TFCP2L1: variants seen among roughly 807,000 people sequenced by gnomAD.
The protein encoded by TFCP2L1 is transcription factor CP2-like protein 1.
Under a neutral mutation model 72.2 loss-of-function variants are expected in TFCP2L1, and 12 were observed. That is an observed-to-expected ratio of 0.17 (90% confidence interval 0.11 to 0.27). The LOEUF (loss-of-function observed/expected upper bound fraction) is 0.27, where lower values mean the gene tolerates loss of function less well. Ranked by LOEUF, TFCP2L1 falls within the 10% of genes least tolerant of loss-of-function variation. The probability of loss-of-function intolerance (pLI) is 1.00; values close to 1 mark genes in which losing one functional copy is unlikely to be tolerated. For synonymous variants in TFCP2L1, 260 were observed against 251.0 expected, an observed-to-expected ratio of 1.04 and a Z score of -0.34; for missense variants, 488 against 624.6, an observed-to-expected ratio of 0.78 and a Z score of 2.33.
intron 14 of TFCP2L1, 40 bp from the exon 15 acceptor site, chr2:121,224,427 A>G (rs1438146518): frequency 5.6e-6 from 9 of 1,608,076 alleles, no homozygotes; most frequent in Non-Finnish European, 5.9e-6. Flanking sequence ...ACAGGAAAAA[A>G]GGTGCAGTGC....
At chr2:121,283,897 G>C (rs1687312602) in intron 1 of TFCP2L1, among the ~76,000 whole-genome samples, 1 of 152,182 alleles carries the variant, frequency 6.6e-6, no homozygotes, top group South Asian at 2.1e-4. Flanking sequence ...CATCACCGTG[G>C]TCTGCCGGGT....
At chr2:121,230,302 C>T (rs1180396670) in intron 13 of TFCP2L1, among the ~76,000 whole-genome samples, 1 of 152,130 alleles carries the variant, frequency 6.6e-6, no homozygotes, top group Non-Finnish European at 1.5e-5. Flanking sequence ...CTCCCGAGTA[C>T]CTGGGATTAC....
At chr2:121,283,906 G>A (rs1050088234) in intron 1 of TFCP2L1, among the ~76,000 whole-genome samples, 4 of 152,200 alleles carry the variant, frequency 2.6e-5, no homozygotes, top group Non-Finnish European at 5.9e-5. Flanking sequence ...GGTCTGCCGG[G>A]TGGCTGTCAG....
intron 7 of TFCP2L1, 129 bp from the exon 8 acceptor site, chr2:121,239,778 T>G: frequency 1.1e-6 from 1 of 947,308 alleles, no homozygotes; most frequent in Non-Finnish European, 1.5e-6. Context: ...AGCCTGCGTT[T>G]ACCCAGTGCC....
chr2:121,259,310 G>A (rs528242047), intron 2 of TFCP2L1, among the ~76,000 whole-genome samples: 86 of 152,050 alleles, frequency 5.7e-4, no homozygotes, highest in Admixed American at 9.2e-4. Context: ...CATGTTGTCT[G>A]CAACTAACTC....
At chr2:121,261,465 G>C (rs545528313) in intron 2 of TFCP2L1, among the ~76,000 whole-genome samples, 1 of 152,114 alleles carries the variant, frequency 6.6e-6, no homozygotes, top group Non-Finnish European at 1.5e-5. Context: ...AGGAGCTCTC[G>C]ATGGCCACAG....
At chr2:121,233,534 G>C (rs1686185814) in intron 12 of TFCP2L1, among the ~76,000 whole-genome samples, 1 of 152,134 alleles carries the variant, frequency 6.6e-6, no homozygotes, top group African/African-American at 2.4e-5. Context: ...CTGGGCACAA[G>C]CAATCCTCCC....
chr2:121,240,805 C>T (rs1309680248), intron 7 of TFCP2L1: 3 of 921,852 alleles, frequency 3.3e-6, no homozygotes, highest in Admixed American at 1.2e-4. Flanking sequence ...AAATGCAGTG[C>T]TTGCATCCTG....
intron 2 of TFCP2L1, among the ~76,000 whole-genome samples, chr2:121,267,207 C>T (rs976590299): frequency 2.6e-5 from 4 of 152,112 alleles, no homozygotes; most frequent in Non-Finnish European, 2.9e-5. Context: ...CATGAGCCAC[C>T]GCACCTGGCC....
In TFCP2L1 at chr2:121,223,640, A is replaced by T. The variant is rs1685968467; in HGVS notation, c.*701T>A. Reference sequence around the variant, plus strand: ...AATGTCTCTGAGAAAGGCCGTGCACATACATTGTGGCATCTACCATGCCAA... The same window carrying T: ...AATGTCTCTGAGAAAGGCCGTGCACTTACATTGTGGCATCTACCATGCCAA... On this transcript the variant is annotated 3_prime_UTR_variant, in exon 15 of 15. Coordinates refer to ENST00000263707, the MANE Select transcript of TFCP2L1 (RefSeq NM_014553.3). The T allele has an allele frequency of 6.5e-6, 1 of 153,112 alleles. No homozygotes were observed. The highest frequency in any genetic ancestry group is 2.4e-5 in the African/African-American group (1 of 41,440). 9.5% of individuals were successfully genotyped at this position (153,112 alleles called of 1,614,324 possible). A position where few individuals can be genotyped will look rare whatever the true frequency, so the allele number is the denominator to read the frequency against.
At chr2:121,244,464 G>C (rs1686441562) in intron 6 of TFCP2L1, among the ~76,000 whole-genome samples, 1 of 152,182 alleles carries the variant, frequency 6.6e-6, no homozygotes, top group Admixed American at 6.5e-5. Context: ...ATTCTGAGGA[G>C]CCAGTTTTGG....
rs1268617223 is a variant in TFCP2L1, at chr2:121,239,638, C to A, written c.780G>T (p.Trp260Cys). ...TGTTCACCTGGTAGGCCACGTCGGG[C>A]CATGGAGAGCACTGCAGGAGAGAGC... Reference protein sequence around the residue: ...ETTILTECSPWPDVAYQVNSA... With the variant: ...ETTILTECSPCPDVAYQVNSA... The change falls in exon 8 of 15, where the codon TGG becomes TGT. Residue 260 changes from tryptophan to cysteine, a missense_variant. Trp to Cys is a radical substitution (Grantham distance 215). Around this residue, in one of 3 missense-constraint regions of TFCP2L1, gnomAD observed 286 missense variants for 329.0 expected, o/e 0.87. Transcript: ENST00000263707. 2 of 1,614,112 alleles carry A rather than the reference C, an allele frequency of 1.2e-6. No homozygotes were observed. Among genetic ancestry groups the A allele is most frequent in the Admixed American group, 3.3e-5 (2 of 60,024 alleles).
At chr2:121,229,693 C>G (rs924072662) in intron 13 of TFCP2L1, among the ~76,000 whole-genome samples, 2 of 152,224 alleles carry the variant, frequency 1.3e-5, no homozygotes, top group Non-Finnish European at 1.5e-5. Flanking sequence ...CTCCTGGCAC[C>G]TGCCACTGTT....
At chr2:121,250,326 A>G (rs1376030670) in intron 2 of TFCP2L1, among the ~76,000 whole-genome samples, 1 of 151,226 alleles carries the variant, frequency 6.6e-6, no homozygotes, top group Non-Finnish European at 1.5e-5. Context: ...AATAGGATAC[A>G]CCATGTTCCC....
chr2:121,232,108 T>TTTTGTTTTG (rs1686157106), intron 12 of TFCP2L1, 140 bp from the exon 13 acceptor site: 1 of 60,554 alleles, frequency 1.7e-5, no homozygotes, highest in African/African-American at 2.0e-4. Flanking sequence ...CTGCCACTCT[T>TTTTGTTTTG]TTTGTTTTGT....
chr2:121,269,034 TA>T (rs1335541331), intron 2 of TFCP2L1, among the ~76,000 whole-genome samples: 9 of 151,132 alleles, frequency 6.0e-5, no homozygotes, highest in South Asian at 2.1e-4. Context: ...TTTTTTTTAT[TA>T]AAAAAAAGAT....
rs144788798 is a variant in TFCP2L1, at chr2:121,259,805, T to C, written c.215-10158A>G. Among the ~76,000 whole-genome samples, 483 of 152,308 alleles carry C rather than the reference T, an allele frequency of 3.2e-3. 6 individuals are homozygous for C. Among genetic ancestry groups the C allele is most frequent in the African/African-American group, 0.011 (438 of 41,568 alleles). On this transcript the variant is annotated intron_variant, in intron 2 of 14. Coordinates refer to ENST00000263707, the MANE Select transcript of TFCP2L1 (RefSeq NM_014553.3). ...CTAACAATGGGCAGAGAAGGACTTT[T>C]CCCTGTTAAATTAGATATATCTTCA...
intron 2 of TFCP2L1, among the ~76,000 whole-genome samples, chr2:121,274,955 A>AG (rs1292128391): frequency 6.6e-6 from 1 of 152,114 alleles, no homozygotes; most frequent in East Asian, 1.9e-4. Flanking sequence ...AAAAAAAAAA[A>AG]ATTATTTAAT....
At chr2:121,281,448 G>C (rs116831746) in intron 1 of TFCP2L1, among the ~76,000 whole-genome samples, 177 bp from the exon 2 acceptor site, 68 of 152,156 alleles carry the variant, frequency 4.5e-4, no homozygotes, top group Middle Eastern at 3.4e-3. Context: ...CTTTAAAACA[G>C]AGGAAACCGC....
Sources: gnomAD v4.1 joint callset for allele counts (sites outside exome capture counted in the v4.1 genomes callset) on GRCh38, gnomAD v4.1.1 for gene constraint, gnomAD v4.1.1 regional missense constraint, MANE v1.5 for transcripts, NCBI Gene and HGNC (gene_info 2026-07-23, HGNC 2026-07-21) for gene names.